Variants in ATAD2B observed in about 807,000 individuals in gnomAD.
The protein encoded by ATAD2B is ATPase family AAA domain-containing protein 2B.
In ATAD2B, 40 loss-of-function variants were observed where a neutral mutation model predicts 167.6. That is an observed-to-expected ratio of 0.24 (90% confidence interval 0.19 to 0.31). The LOEUF (loss-of-function observed/expected upper bound fraction) is 0.31. Ranked by LOEUF, ATAD2B falls within the 10% of genes least tolerant of loss-of-function variation. The pLI is 1.00. For synonymous variants in ATAD2B, 579 were observed against 596.5 expected (o/e 0.97, Z 0.43); for missense variants, 1,242 against 1,757.2 (o/e 0.71, Z 5.24).
chr2:23,924,502 A>G (rs1247664050), intron 1 of ATAD2B, among the ~76,000 whole-genome samples: 2 of 152,214 alleles, frequency 1.3e-5, no homozygotes, highest in Non-Finnish European at 2.9e-5. Context: ...TATAGTCCAT[A>G]AACTTAATAA....
chr2:23,854,012 G>A (rs543832591), intron 13 of ATAD2B, among the ~76,000 whole-genome samples: 23 of 152,160 alleles, frequency 1.5e-4, no homozygotes, highest in Admixed American at 3.3e-4. Flanking sequence ...TTGGGAGGCC[G>A]AAGCAGGAGA....
Position 23,757,484 on chromosome 2 carries a change from TAC to T in ATAD2B, c.4010_4011del (p.Cys1337Ter), listed in dbSNP as rs1676087783. 1 of 1,544,354 alleles carries T rather than the reference TAC, an allele frequency of 6.5e-7. No individual in the cohort carries two copies. The highest frequency in any genetic ancestry group is 8.7e-7 in the Non-Finnish European group (1 of 1,152,006). On this transcript the variant is annotated frameshift_variant, in exon 25 of 28. Coordinates refer to ENST00000238789, the MANE Select transcript of ATAD2B (RefSeq NM_017552.4). LOFTEE classifies it high-confidence loss of function. Reference protein sequence around the residue: ...DDLEKLEALECSNNEKLEPGS... With the variant: ...DDLEKLEALEXSNNEKLEPGS... ...CCAGGTTCTAACTTCTCATTATTGC[TAC>T]ATTCCAGTGCCTCTAGTTTCTCAAG...
chr2:23,879,667 GA>G (rs980830886), intron 7 of ATAD2B, among the ~76,000 whole-genome samples: 94 of 152,046 alleles, frequency 6.2e-4, no homozygotes, highest in African/African-American at 2.2e-3. Context: ...AAAAGAAAAA[GA>G]AAAAAAGAAA....
At chr2:23,863,303 G>A (rs1024658873) in intron 12 of ATAD2B, 78 bp downstream of exon 12, 2 of 1,380,510 alleles carry the variant, frequency 1.4e-6, no homozygotes, top group Admixed American at 5.0e-5. Context: ...ACAGAGAGAG[G>A]CCCTGTCTCA....
At position 23,918,202 on chromosome 2, in the gene ATAD2B, C is replaced by CAAA. The variant is rs35163952; in HGVS notation, c.216+8350_216+8352dup. 3.1e-3 allele frequency among the ~76,000 whole-genome samples: 298 copies of CAAA among 95,754 alleles called. 4 individuals are homozygous for CAAA. The highest frequency in any genetic ancestry group is 6.0e-3 in the African/African-American group (139 of 23,154). The allele number at this position is 95,754 out of a possible 152,430, so 62.8% of individuals were successfully genotyped here. A position where few individuals can be genotyped will look rare whatever the true frequency, so the allele number is the denominator to read the frequency against. On this transcript the variant is annotated intron_variant, in intron 1 of 27. Transcript: ENST00000238789. ...GCAACATAGCAAAACCTTGTCTCTACAAAAAAAAAAAAAAAAAAAAATAGC... is the reference window on the plus strand; with the variant it reads ...GCAACATAGCAAAACCTTGTCTCTACAAAAAAAAAAAAAAAAAAAAAAAATAGC...
At chr2:23,696,144 C>G in the ATAD2B span, 2 of 1,549,434 alleles carry the variant, frequency 1.3e-6, no homozygotes, top group Non-Finnish European at 1.7e-6. This position sits in a 1 kb window ranked among gnomAD's most constrained non-coding sequence, Gnocchi z 5.5. Context: ...GTGAGGCCCC[C>G]CGGGGTTGGG....
At chr2:23,848,563 T>C (rs558758108) in intron 13 of ATAD2B, among the ~76,000 whole-genome samples, 47 of 152,300 alleles carry the variant, frequency 3.1e-4, no homozygotes, top group African/African-American at 1.1e-3. Flanking sequence ...CCATATTATA[T>C]GTGAAATGGC....
chr2:23,868,441 CA>C (rs1310372938), intron 9 of ATAD2B, among the ~76,000 whole-genome samples: 1 of 152,188 alleles, frequency 6.6e-6, no homozygotes, highest in Non-Finnish European at 1.5e-5. Context: ...GCTGGAACTA[CA>C]GGCAGGCAAC....
chr2:23,895,214 G>A (rs1382051073), intron 2 of ATAD2B, among the ~76,000 whole-genome samples: 1 of 151,994 alleles, frequency 6.6e-6, no homozygotes, highest in Non-Finnish European at 1.5e-5. Flanking sequence ...AGAAGTTAAA[G>A]ATTCTGATTT....
intron 13 of ATAD2B, among the ~76,000 whole-genome samples, chr2:23,835,617 A>T (rs774724441): frequency 6.6e-6 from 1 of 152,198 alleles, no homozygotes; most frequent in Non-Finnish European, 1.5e-5. Flanking sequence ...AAATATACTG[A>T]AAGTCACTGA....
At chr2:23,723,588 T>G in the ATAD2B span, among the ~76,000 whole-genome samples, 1 of 151,918 alleles carries the variant, frequency 6.6e-6, no homozygotes, top group Non-Finnish European at 1.5e-5. Context: ...ATGCTCAACA[T>G]CCCTAATCCT....
chr2:23,911,244 G>T (rs969811252), intron 1 of ATAD2B, among the ~76,000 whole-genome samples: 2 of 149,482 alleles, frequency 1.3e-5, no homozygotes, highest in Non-Finnish European at 3.0e-5. Flanking sequence ...AAGAGGTAAC[G>T]TTCTTTAAAG....
intron 13 of ATAD2B, 74 bp from the exon 14 acceptor site, chr2:23,834,152 CTTTTTTTT>C (rs11378615): frequency 1.7e-4 from 20 of 119,610 alleles, no homozygotes; most frequent in African/African-American, 6.0e-4. Context: ...ATCAGTCTTT[CTTTTTTTT>C]TTTTTTTTTT....
intron 22 of ATAD2B, among the ~76,000 whole-genome samples, chr2:23,771,844 C>A (rs1340939310): frequency 6.6e-6 from 1 of 152,186 alleles, no homozygotes. Context: ...TAGGGTAGGA[C>A]CTCCTGGAGA....
chr2:23,685,722 C>G, the ATAD2B span, among the ~76,000 whole-genome samples: 3 of 152,228 alleles, frequency 2.0e-5, no homozygotes, highest in African/African-American at 7.2e-5. Flanking sequence ...TGGGCTCTCT[C>G]TGTCCAAGCA....
At chr2:23,803,699 G>C (rs950542910) in intron 18 of ATAD2B, among the ~76,000 whole-genome samples, 8 of 152,120 alleles carry the variant, frequency 5.3e-5, no homozygotes. Context: ...AGAAAGTTCT[G>C]TCATGTATAT....
chr2:23,796,631 T>C (rs1682671890), intron 19 of ATAD2B, among the ~76,000 whole-genome samples: 1 of 152,194 alleles, frequency 6.6e-6, no homozygotes, highest in Non-Finnish European at 1.5e-5. Flanking sequence ...TCTTTCTTTT[T>C]ATAAAATTAG....
At chr2:23,892,614 C>T (rs532011235) in intron 2 of ATAD2B, among the ~76,000 whole-genome samples, 3 of 152,072 alleles carry the variant, frequency 2.0e-5, no homozygotes, top group African/African-American at 4.8e-5. Flanking sequence ...TGGGTACAGG[C>T]ACGCGCCGCC....
chr2:23,926,890 G>A lies in ATAD2B; in HGVS notation c.-120C>T, dbSNP rs1704960752. ...GGGCAATGAGAGACGAGCCGGCCCG[G>A]AGCGTGCGGAGCGCAGACGAGCACA... On this transcript the variant is annotated 5_prime_UTR_variant, in exon 1 of 28. Transcript: ENST00000238789. 5.8e-6 allele frequency: 7 copies of A among 1,217,054 alleles called. No homozygotes were observed. Among genetic ancestry groups the A allele is most frequent in the Middle Eastern group, 2.9e-4 (1 of 3,478 alleles). 75.4% of individuals were successfully genotyped at this position (1,217,054 alleles called of 1,614,324 possible).
Sources: allele counts gnomAD v4.1 joint callset (sites outside exome capture counted in the v4.1 genomes callset), GRCh38; gene constraint gnomAD v4.1.1; non-coding constraint Gnocchi (gnomAD v3.1); transcripts MANE v1.5; gene names NCBI Gene and HGNC (gene_info 2026-07-23, HGNC 2026-07-21).